Variants in FRMPD4 observed in about 807,000 individuals in gnomAD.
The protein encoded by FRMPD4 is FERM and PDZ domain-containing protein 4.
In FRMPD4, 22 loss-of-function variants were observed where a neutral mutation model predicts 94.1. The observed-to-expected ratio is 0.23, with a 90% CI of 0.17 to 0.33. The LOEUF (loss-of-function observed/expected upper bound fraction) is 0.33. FRMPD4 is among the 10% of genes least tolerant of loss of function. The probability of loss-of-function intolerance (pLI) is 1.00; values close to 1 mark genes in which losing one functional copy is unlikely to be tolerated. For synonymous variants in FRMPD4, 631 were observed against 548.6 expected (o/e 1.15, Z -2.10); for missense variants, 1,111 against 1,339.9 (o/e 0.83, Z 2.67).
At chrX:12,423,654 A>C (rs2056912384) in intron 1 of FRMPD4, among the ~76,000 whole-genome samples, 1 of 110,853 alleles carries the variant, frequency 9.0e-6, no homozygotes, top group African/African-American at 3.3e-5. Flanking sequence ...CTTTATTGTT[A>C]TTGTACTTTT....
At chrX:12,572,455 A>AAGCTAAAGCTTGT (rs2058769166) in intron 2 of FRMPD4, among the ~76,000 whole-genome samples, 2 of 112,797 alleles carry the variant, frequency 1.8e-5, no homozygotes, top group African/African-American at 6.4e-5. Context: ...GCCTTTAGAA[A>AAGCTAAAGCTTGT]AAGACATGCT....
At chrX:12,342,049 T>A (rs1205869528) in intron 1 of FRMPD4, among the ~76,000 whole-genome samples, 2 of 112,196 alleles carry the variant, frequency 1.8e-5, no homozygotes, top group Non-Finnish European at 3.8e-5. Flanking sequence ...AGATCGGATT[T>A]GTGAACCTGA....
intron 1 of FRMPD4, among the ~76,000 whole-genome samples, chrX:12,269,357 A>T (rs1169893123): frequency 3.6e-5 from 4 of 110,259 alleles, no homozygotes; most frequent in Non-Finnish European, 5.7e-5. Context: ...TAAAATAAAA[A>T]AAAAAATCTT....
At chrX:12,099,739 T>A (rs2055238209) in intron 3 of FRMPD4, among the ~76,000 whole-genome samples, 1 of 112,290 alleles carries the variant, frequency 8.9e-6, no homozygotes, top group Non-Finnish European at 1.9e-5. Flanking sequence ...ATCCTGTTTT[T>A]AAATTATTGA....
At chrX:12,654,633 T>C (rs999123788) in intron 4 of FRMPD4, among the ~76,000 whole-genome samples, 1 of 111,619 alleles carries the variant, frequency 9.0e-6, no homozygotes, top group Non-Finnish European at 1.9e-5. Context: ...ATGTAATAGC[T>C]GTAGGGCTTT....
chrX:12,550,102 CAG>C (rs1458316080), intron 2 of FRMPD4, among the ~76,000 whole-genome samples: 2 of 111,339 alleles, frequency 1.8e-5, no homozygotes, highest in African/African-American at 6.5e-5. Context: ...ACATATGTGA[CAG>C]GGTCAATCCT....
chrX:12,311,639 A>G (rs1343486976), intron 1 of FRMPD4, among the ~76,000 whole-genome samples: 1 of 109,666 alleles, frequency 9.1e-6, no homozygotes, highest in Non-Finnish European at 1.9e-5. Context: ...AAATGTATTT[A>G]TTTTGCTTTT....
intron 3 of FRMPD4, among the ~76,000 whole-genome samples, chrX:12,019,776 G>A (rs1394880387): frequency 9.0e-6 from 1 of 111,001 alleles, no homozygotes; most frequent in East Asian, 2.8e-4. Context: ...AAGTTCAAAT[G>A]ATACCTGCAG....
chrX:12,601,759 C>A (rs1428637073), intron 2 of FRMPD4, among the ~76,000 whole-genome samples: 1 of 111,386 alleles, frequency 9.0e-6, no homozygotes, highest in Non-Finnish European at 1.9e-5. Context: ...TCCTAAGATA[C>A]CCTGATCCAA....
intron 3 of FRMPD4, among the ~76,000 whole-genome samples, chrX:12,130,814 C>T (rs184555127): frequency 9.0e-6 from 1 of 111,353 alleles, no homozygotes; most frequent in East Asian, 2.8e-4. Context: ...GTCAGAAAGA[C>T]AGCATAAAAG....
At chrX:12,236,705 G>T (rs2057074709) in intron 1 of FRMPD4, among the ~76,000 whole-genome samples, 1 of 111,862 alleles carries the variant, frequency 8.9e-6, no homozygotes, top group African/African-American at 3.2e-5. Context: ...GTATAAATTA[G>T]AAAGCTGAAG....
chrX:12,160,068 G>GGGGTGTGTGT (rs759761653), intron 1 of FRMPD4, among the ~76,000 whole-genome samples: 4 of 100,083 alleles, frequency 4.0e-5, no homozygotes, highest in African/African-American at 1.5e-4. Flanking sequence ...GATGTTGAGG[G>GGGGTGTGTGT]GTGTGTGTGT....
intron 1 of FRMPD4, among the ~76,000 whole-genome samples, chrX:12,471,933 C>T (rs997196298): frequency 2.7e-5 from 3 of 111,768 alleles, no homozygotes; most frequent in Non-Finnish European, 5.7e-5. Context: ...AATGCAACTC[C>T]CGGGGAGTTA....
intron 3 of FRMPD4, among the ~76,000 whole-genome samples, chrX:12,030,891 G>A (rs781080783): frequency 8.9e-5 from 10 of 111,960 alleles, no homozygotes; most frequent in African/African-American, 1.9e-4. Context: ...CTTTTCTAAG[G>A]TACTCTAACA....
At chrX:11,930,053 A>T (rs1053262423) in intron 3 of FRMPD4, among the ~76,000 whole-genome samples, 7 of 94,779 alleles carry the variant, frequency 7.4e-5, no homozygotes, top group African/African-American at 2.4e-4. Context: ...GCTTATACTG[A>T]GCCGAGATCA....
chrX:12,213,602 A>T (rs1005911057), intron 1 of FRMPD4, among the ~76,000 whole-genome samples: 1 of 111,824 alleles, frequency 8.9e-6, no homozygotes, highest in Non-Finnish European at 1.9e-5. Flanking sequence ...TTTTTGCCTG[A>T]TGTATGTTTT....
chrX:12,240,856 A>G (rs183587599), intron 1 of FRMPD4, among the ~76,000 whole-genome samples: 1,149 of 111,848 alleles, frequency 0.01, 10 homozygotes, highest in African/African-American at 0.034. Context: ...GCACCTGCCA[A>G]TGTTTGTGAG....
chrX:12,440,639 T>C (rs1336732883), intron 1 of FRMPD4, among the ~76,000 whole-genome samples: 1 of 110,279 alleles, frequency 9.1e-6, no homozygotes, highest in Non-Finnish European at 1.9e-5. Flanking sequence ...GGAAGCCCTG[T>C]AAAGAAGATC....
intron 2 of FRMPD4, among the ~76,000 whole-genome samples, chrX:12,542,409 T>G (rs1322985706): frequency 8.9e-6 from 1 of 112,293 alleles, no homozygotes. Context: ...ACAAAATCAA[T>G]GCGCAAAAAT....
Sources: gnomAD v4.1 joint callset for allele counts (sites outside exome capture counted in the v4.1 genomes callset) on GRCh38, gnomAD v4.1.1 for gene constraint, MANE v1.5 for transcripts, NCBI Gene and HGNC (gene_info 2026-07-23, HGNC 2026-07-21) for gene names.